The following FIGNL2 variants were observed in gnomAD, a reference collection of about 807,000 sequenced individuals.
FIGNL2 encodes the protein fidgetin like 2, also known as fidgetin-like protein 2.
For missense variants in FIGNL2, 1,060 were observed against 950.2 expected (o/e 1.12, Z -1.52); for synonymous variants, 565 against 484.0 (o/e 1.17, Z -2.20).
chr12:51,820,263 G>C lies in FIGNL2; in HGVS notation c.*189C>G. On this transcript the variant is annotated 3_prime_UTR_variant, in exon 2 of 2. Transcript: ENST00000618634. ...AAAAACCTGAGTACACGGCGCATAT[G>C]GCATCTGCCTGGCAGAAGCATTTTC... 1 of 719,030 alleles carries C rather than the reference G, an allele frequency of 1.4e-6. No individual in the cohort carries two copies. Among genetic ancestry groups the C allele is most frequent in the Non-Finnish European group, 2.2e-6 (1 of 454,532 alleles). The allele number at this position is 719,030 out of a possible 1,614,324, so 44.5% of individuals were successfully genotyped here.
chr12:51,827,389 TG>T lies in FIGNL2; in HGVS notation c.-11-4966del, dbSNP rs1171357171. ...GAACCTCAATTTCCCCATTTCTATT[TG>T]TTTTTTTTTTTTTTAAGTAGAGACA... On this transcript the variant is annotated intron_variant, in intron 1 of 1. Transcript: ENST00000618634. 2.9e-3 allele frequency among the ~76,000 whole-genome samples: 446 copies of T among 151,580 alleles called. 3 individuals carry two copies. The highest frequency in any genetic ancestry group is 8.6e-3 in the African/African-American group (357 of 41,452).
At chr12:51,845,879 G>A (rs1198188551) in intron 1 of FIGNL2, among the ~76,000 whole-genome samples, 1 of 151,590 alleles carries the variant, frequency 6.6e-6, no homozygotes, top group Non-Finnish European at 1.5e-5. Context: ...ATAATGGCAG[G>A]GAAAGAATGC....
At chr12:51,832,190 C>T (rs752590709) in intron 1 of FIGNL2, among the ~76,000 whole-genome samples, 2 of 151,880 alleles carry the variant, frequency 1.3e-5, no homozygotes, top group Non-Finnish European at 2.9e-5. Context: ...CTAATTTTGG[C>T]ATTTTTAGTA....
At chr12:51,848,027 C>T in intron 1 of FIGNL2, 1 of 748,932 alleles carries the variant, frequency 1.3e-6, no homozygotes, top group Non-Finnish European at 1.6e-6. Flanking sequence ...CCTCCTGTCA[C>T]TGCCCCGTCA....
chr12:51,823,625 G>A (rs899068033), intron 1 of FIGNL2: 1 of 152,166 alleles, frequency 6.6e-6, no homozygotes, highest in African/African-American at 2.4e-5. Context: ...GGCTCCTGTG[G>A]GCCAGCCTGA....
rs1225115093 is a variant in FIGNL2, at chr12:51,818,743, C to G, written c.*1709G>C. On this transcript the variant is annotated 3_prime_UTR_variant, in exon 2 of 2. Coordinates refer to ENST00000618634, the MANE Select transcript of FIGNL2 (RefSeq NM_001384995.1). ...AAAGTGGTGGTGGGGGGGCGTGTCC[C>G]CTGCTTTGGACTAAGATCAGAGTTG... is the stretch of plus-strand genomic sequence containing the variant. 6.6e-6 allele frequency: 1 copy of G among 152,366 alleles called. No homozygotes were observed. Among genetic ancestry groups the G allele is most frequent in the African/African-American group, 2.4e-5 (1 of 41,390 alleles). 9.4% of individuals were successfully genotyped at this position (152,366 alleles called of 1,614,324 possible).
intron 1 of FIGNL2, among the ~76,000 whole-genome samples, chr12:51,840,974 C>G (rs920452108): frequency 3.9e-5 from 6 of 152,332 alleles, no homozygotes; most frequent in Non-Finnish European, 7.4e-5. Context: ...GGCCCCTTCC[C>G]GTGCATGGGG....
In FIGNL2 at chr12:51,831,479, G is replaced by A. The variant is rs538990141; in HGVS notation, c.-11-9055C>T. ...ACAGATGTGGCTGGCCCCAGGTCAC[G>A]CAATCCTCTGGAGGCCAAGTGGGGA... On this transcript the variant is annotated intron_variant, in intron 1 of 1. Transcript: ENST00000618634. Among the ~76,000 whole-genome samples the A allele has an allele frequency of 2.6e-4, 40 of 152,278 alleles. No individual in the cohort carries two copies. In the East Asian group the frequency reaches 4.6e-3, roughly 18 times the overall value.
chr12:51,842,568 A>C (rs752921103), intron 1 of FIGNL2, among the ~76,000 whole-genome samples: 5 of 152,088 alleles, frequency 3.3e-5, no homozygotes, highest in Non-Finnish European at 5.9e-5. Flanking sequence ...TTAAGCATCC[A>C]AGGGTCAAAT....
Position 51,822,304 on chromosome 12 carries a change from C to T in FIGNL2, c.110G>A (p.Gly37Glu). The T allele has an allele frequency of 1.2e-6, 2 of 1,612,292 alleles. No individual in the cohort carries two copies. Among genetic ancestry groups the T allele is most frequent in the Non-Finnish European group, 1.7e-6 (2 of 1,179,328 alleles). The change falls in exon 2 of 2, where the codon GGG becomes GAG. Residue 37 changes from glycine (G) to glutamate (E), a missense_variant. Gly to Glu is a moderately conservative substitution (Grantham distance 98, BLOSUM62 -2). Coordinates refer to ENST00000618634, the MANE Select transcript of FIGNL2 (RefSeq NM_001384995.1). ...AGCGTAGTGGCAGCGTTGGCGACCC[C>T]CAGGGGGCAACTCCAACTTGTGGGC... The part of the protein sequence containing the change: ...SPAHKLELPP[G>E]GRQRCHYAWA...
intron 1 of FIGNL2, chr12:51,848,313 C>T: frequency 1.0e-6 from 1 of 984,294 alleles, no homozygotes; most frequent in Non-Finnish European, 1.2e-6. Flanking sequence ...GCGGCTATCC[C>T]CTGCTCTGCC....
chr12:51,825,434 C>A (rs2138978197), intron 1 of FIGNL2, among the ~76,000 whole-genome samples: 1 of 151,012 alleles, frequency 6.6e-6, no homozygotes, highest in South Asian at 2.1e-4. Context: ...AAACCTCCAC[C>A]CGCCAACGAA....
chr12:51,829,732 GAAAAC>G (rs1328453850), intron 1 of FIGNL2, among the ~76,000 whole-genome samples: 2 of 149,662 alleles, frequency 1.3e-5, no homozygotes, highest in South Asian at 2.2e-4. Flanking sequence ...ACAGGGAAGA[GAAAAC>G]AAAGTGTTTC....
Position 51,821,476 on chromosome 12 carries a change from G to A in FIGNL2, c.938C>T (p.Pro313Leu). 1 of 1,549,130 alleles carries A rather than the reference G, an allele frequency of 6.5e-7. No homozygotes were observed. Among genetic ancestry groups the A allele is most frequent in the Non-Finnish European group, 8.7e-7 (1 of 1,153,106 alleles). ...ECRGNGFRAK[P>L]PGAAEEASGK... ...CGACGCCTCCTCCGCGGCTCCTGGCGGCTTGGCCCGGAACCCGTTGCCCCG... is the reference window on the plus strand; with the variant it reads ...CGACGCCTCCTCCGCGGCTCCTGGCAGCTTGGCCCGGAACCCGTTGCCCCG... The change falls in exon 2 of 2, where the codon CCG becomes CTG. Residue 313 changes from proline to leucine, a missense_variant. Coordinates refer to ENST00000618634, the MANE Select transcript of FIGNL2 (RefSeq NM_001384995.1).
At chr12:51,839,748 G>A (rs1939630565) in intron 1 of FIGNL2, among the ~76,000 whole-genome samples, 1 of 152,166 alleles carries the variant, frequency 6.6e-6, no homozygotes, top group Admixed American at 6.6e-5. Flanking sequence ...CCAATTTAGA[G>A]GTGACATCAC....
intron 1 of FIGNL2, chr12:51,846,917 A>G: frequency 4.8e-6 from 4 of 832,862 alleles, no homozygotes; most frequent in Non-Finnish European, 5.8e-6. Context: ...AAAGAAATGA[A>G]ATGGTGTTAA....
intron 1 of FIGNL2, among the ~76,000 whole-genome samples, chr12:51,837,375 C>T (rs939892892): frequency 6.6e-6 from 1 of 152,158 alleles, no homozygotes; most frequent in Admixed American, 6.5e-5. Flanking sequence ...AGCCTCAGTC[C>T]CATTCCCAAT....
intron 1 of FIGNL2, among the ~76,000 whole-genome samples, chr12:51,834,013 A>T (rs1939524361): frequency 7.1e-6 from 1 of 141,318 alleles, no homozygotes; most frequent in East Asian, 2.0e-4. Context: ...GGACAGACAA[A>T]TGGACGGATG....
chr12:51,834,109 T>TTGGATGGGTGGATGGATGGTTGGA lies in FIGNL2; in HGVS notation c.-11-11686_-11-11685insTCCAACCATCCATCCACCCATCCA, dbSNP rs1939534585. On this transcript the variant is annotated intron_variant, in intron 1 of 1. Transcript: ENST00000618634. ...GACAGACGGATGGGTGGATGGATGG[T>TTGGATGGGTGGATGGATGGTTGGA]TGGATGGATGGATGGATGGATGGAT... Among the ~76,000 whole-genome samples the TTGGATGGGTGGATGGATGGTTGGA allele has an allele frequency of 2.4e-4, 32 of 134,006 alleles. 1 individual carries two copies. Among genetic ancestry groups the TTGGATGGGTGGATGGATGGTTGGA allele is most frequent in the African/African-American group, 6.2e-4 (23 of 36,836 alleles). 87.9% of individuals were successfully genotyped at this position (134,006 alleles called of 152,430 possible). A position where few individuals can be genotyped will look rare whatever the true frequency, so the allele number is the denominator to read the frequency against.
Sources: allele counts gnomAD v4.1 joint callset (sites outside exome capture counted in the v4.1 genomes callset), GRCh38; gene constraint gnomAD v4.1.1; transcripts MANE v1.5; gene names NCBI Gene and HGNC (gene_info 2026-07-23, HGNC 2026-07-21).